CPNE8: variants seen among roughly 807,000 people sequenced by gnomAD.
The protein encoded by CPNE8 is copine-8.
Under a neutral mutation model 81.5 loss-of-function variants are expected in CPNE8, and 45 were observed. The observed-to-expected ratio is 0.55, with a 90% CI of 0.44 to 0.71. CPNE8 has a LOEUF of 0.71. Among genes scored for constraint, CPNE8 ranks in the 30% least tolerant of loss-of-function variants. CPNE8 has a pLI of 0.00. For synonymous variants in CPNE8, 252 were observed against 226.3 expected (o/e 1.11, Z -1.02); for missense variants, 594 against 672.1 (o/e 0.88, Z 1.28).
At chr12:38,902,393 G>GAGAGAGAAAGAAAGAAAGAAAGAAAGAA (rs1944499574) in intron 1 of CPNE8, among the ~76,000 whole-genome samples, 6 of 54,630 alleles carry the variant, frequency 1.1e-4, no homozygotes, top group African/African-American at 4.7e-4. Flanking sequence ...AAGAAAGAAA[G>GAGAGAGAAAGAAAGAAAGAAAGAAAGAA]AGAAAGAAAG....
In CPNE8 at chr12:38,717,427, GTGTATATATATATA is replaced by G. The variant is rs1448466452; in HGVS notation, c.914+6331_914+6344del. 7.5e-3 allele frequency among the ~76,000 whole-genome samples: 525 copies of G among 69,706 alleles called. 30 individuals carry two copies. Among genetic ancestry groups the G allele is most frequent in the African/African-American group, 0.028 (495 of 17,464 alleles). 45.7% of individuals were successfully genotyped at this position (69,706 alleles called of 152,430 possible). On this transcript the variant is annotated intron_variant, in intron 13 of 19. Transcript: ENST00000331366. The stretch of plus-strand genomic sequence containing the variant: ...CCAACAAGTAAACAAAGAAAGTGTG[GTGTATATATATATA>G]TATATATATATATATATACACCATG...
At chr12:38,865,837 A>T (rs974713887) in intron 3 of CPNE8, among the ~76,000 whole-genome samples, 2 of 152,228 alleles carry the variant, frequency 1.3e-5, no homozygotes, top group African/African-American at 4.8e-5. Flanking sequence ...CAACCAGCAA[A>T]GTTCTGTCTA....
intron 5 of CPNE8, among the ~76,000 whole-genome samples, chr12:38,830,160 AATGAG>A (rs529159652): frequency 1.0e-3 from 156 of 152,298 alleles, no homozygotes; most frequent in African/African-American, 3.4e-3. Context: ...TAACCCTGTA[AATGAG>A]AGGTCTGATA....
At chr12:38,712,178 T>C (rs1284866250) in intron 13 of CPNE8, among the ~76,000 whole-genome samples, 1 of 151,176 alleles carries the variant, frequency 6.6e-6, no homozygotes, top group African/African-American at 2.4e-5. Flanking sequence ...TGAAGCAACA[T>C]AGCAACATAT....
At position 38,793,842 on chromosome 12, in the gene CPNE8, T is replaced by A. The variant is rs77002631; in HGVS notation, c.408-17541A>T. ...CAAAGCATATTACAAGCTACAGTAATCAAAATGTTATGTTACTAGTATAAA... is the reference window on the plus strand; with the variant it reads ...CAAAGCATATTACAAGCTACAGTAAACAAAATGTTATGTTACTAGTATAAA... On this transcript the variant is annotated intron_variant, in intron 6 of 19. Coordinates refer to ENST00000331366, the MANE Select transcript of CPNE8 (RefSeq NM_153634.3). Among the ~76,000 whole-genome samples the A allele has an allele frequency of 6.1e-3, 922 of 152,068 alleles. 9 individuals carry two copies. Among genetic ancestry groups the A allele is most frequent in the African/African-American group, 0.021 (878 of 41,532 alleles).
intron 10 of CPNE8, among the ~76,000 whole-genome samples, chr12:38,746,663 A>G (rs996496528): frequency 1.3e-5 from 2 of 152,212 alleles, no homozygotes; most frequent in Admixed American, 1.3e-4. Context: ...AGGAACAGAA[A>G]TATTTTCAGT....
chr12:38,845,777 G>GAT (rs1476984640), intron 4 of CPNE8, among the ~76,000 whole-genome samples: 1 of 152,084 alleles, frequency 6.6e-6, no homozygotes, highest in African/African-American at 2.4e-5. Context: ...GAATTAAAGT[G>GAT]ATAGCAAAGA....
chr12:38,862,259 T>C (rs529040140), intron 3 of CPNE8, among the ~76,000 whole-genome samples: 1 of 151,216 alleles, frequency 6.6e-6, no homozygotes, highest in South Asian at 2.1e-4. Context: ...ATACATATTA[T>C]TATATATATT....
chr12:38,866,052 C>G (rs1002862224), intron 3 of CPNE8, among the ~76,000 whole-genome samples: 1 of 152,204 alleles, frequency 6.6e-6, no homozygotes, highest in Non-Finnish European at 1.5e-5. Flanking sequence ...ACTGGTATTG[C>G]TGACATTGGA....
chr12:38,841,553 T>C (rs1943468063), intron 4 of CPNE8, among the ~76,000 whole-genome samples: 1 of 152,170 alleles, frequency 6.6e-6, no homozygotes, highest in South Asian at 2.1e-4. Context: ...GGGGTAAGGC[T>C]GGACAATGGC....
chr12:38,825,925 T>A (rs1943182885), intron 6 of CPNE8, among the ~76,000 whole-genome samples: 1 of 152,192 alleles, frequency 6.6e-6, no homozygotes, highest in Admixed American at 6.5e-5. Flanking sequence ...AATTAATCTT[T>A]CCTATTTCAT....
chr12:38,827,303 C>A (rs1339835335), intron 6 of CPNE8, among the ~76,000 whole-genome samples: 3 of 151,898 alleles, frequency 2.0e-5, no homozygotes, highest in African/African-American at 7.3e-5. Context: ...GTGGCTATTA[C>A]TAAAAAGTCA....
At chr12:38,699,684 C>G (rs763869328) in intron 14 of CPNE8, among the ~76,000 whole-genome samples, 1 of 151,760 alleles carries the variant, frequency 6.6e-6, no homozygotes, top group Non-Finnish European at 1.5e-5. Context: ...ATATACTCTA[C>G]GAAGCTTTCT....
At chr12:38,655,409 A>G (rs1938795361) in intron 19 of CPNE8, among the ~76,000 whole-genome samples, 1 of 152,146 alleles carries the variant, frequency 6.6e-6, no homozygotes, top group South Asian at 2.1e-4. Flanking sequence ...GGAACTGTGA[A>G]TGTTGTGATA....
chr12:38,845,348 T>G (rs1468810925), intron 4 of CPNE8, among the ~76,000 whole-genome samples: 1 of 152,178 alleles, frequency 6.6e-6, no homozygotes, highest in Non-Finnish European at 1.5e-5. Context: ...CAAATTGCAA[T>G]TCTAATTATT....
chr12:38,702,028 T>C (rs1003670947), intron 14 of CPNE8, among the ~76,000 whole-genome samples: 2 of 152,160 alleles, frequency 1.3e-5, no homozygotes, highest in African/African-American at 4.8e-5. Flanking sequence ...TTAAGTGACC[T>C]CTAAGGTACT....
At chr12:38,837,806 TGAG>T (rs995007201) in intron 5 of CPNE8, among the ~76,000 whole-genome samples, 1 of 152,040 alleles carries the variant, frequency 6.6e-6, no homozygotes, top group African/African-American at 2.4e-5. Flanking sequence ...GAAAACCTGA[TGAG>T]GAGATAGTAA....
chr12:38,891,738 C>A (rs1050925153), intron 1 of CPNE8, among the ~76,000 whole-genome samples: 7 of 152,204 alleles, frequency 4.6e-5, no homozygotes, highest in African/African-American at 1.7e-4. Flanking sequence ...TGAGCCACCA[C>A]AACCAGCCAA....
At chr12:38,659,443 T>G (rs1452716092) in intron 19 of CPNE8, among the ~76,000 whole-genome samples, 1 of 151,984 alleles carries the variant, frequency 6.6e-6, no homozygotes, top group Admixed American at 6.5e-5. Flanking sequence ...TCCCACACAA[T>G]AATAATGGGA....
Sources: allele counts gnomAD v4.1 joint callset (sites outside exome capture counted in the v4.1 genomes callset), GRCh38; gene constraint gnomAD v4.1.1; transcripts MANE v1.5; gene names NCBI Gene and HGNC (gene_info 2026-07-23, HGNC 2026-07-21).